Variants in FCHSD2 observed in about 807,000 individuals in gnomAD.
FCHSD2 encodes the protein F-BAR and double SH3 domains protein 2.
A neutral mutation model predicts 108.1 loss-of-function variants in FCHSD2; 38 were observed. The observed-to-expected ratio is 0.35, with a 90% CI of 0.27 to 0.46. The LOEUF (loss-of-function observed/expected upper bound fraction) is 0.46. Among genes scored for constraint, FCHSD2 ranks in the 20% least tolerant of loss-of-function variants. The pLI, the probability that FCHSD2 is intolerant of heterozygous loss-of-function variation, is 1.00. For synonymous variants in FCHSD2, 279 were observed against 314.7 expected, an observed-to-expected ratio of 0.89 and a Z score of 1.20; for missense variants, 751 against 897.8, an observed-to-expected ratio of 0.84 and a Z score of 2.09.
intron 2 of FCHSD2, among the ~76,000 whole-genome samples, chr11:73,111,179 A>G (rs561684116): frequency 6.6e-6 from 1 of 152,268 alleles, no homozygotes; most frequent in African/African-American, 2.4e-5. Flanking sequence ...TGTAACTACC[A>G]GGTCCATTCG....
chr11:73,085,377 T>C (rs1221106721), intron 2 of FCHSD2, among the ~76,000 whole-genome samples: 2 of 152,208 alleles, frequency 1.3e-5, no homozygotes, highest in African/African-American at 4.8e-5. Flanking sequence ...GTAACCATTT[T>C]GGAACTAGGA....
At chr11:72,862,643 G>A (rs1854625482) in intron 13 of FCHSD2, among the ~76,000 whole-genome samples, 1 of 152,168 alleles carries the variant, frequency 6.6e-6, no homozygotes, top group Non-Finnish European at 1.5e-5. Context: ...TTGTTAACAT[G>A]GCAATGTTAT....
At chr11:72,879,194 C>T (rs1326680144) in intron 12 of FCHSD2, among the ~76,000 whole-genome samples, 1 of 152,140 alleles carries the variant, frequency 6.6e-6, no homozygotes, top group East Asian at 1.9e-4. Flanking sequence ...TGTATACCCA[C>T]GGCATTAGTA....
At chr11:72,964,617 T>TCAG (rs1856870827) in intron 8 of FCHSD2, among the ~76,000 whole-genome samples, 1 of 152,118 alleles carries the variant, frequency 6.6e-6, no homozygotes, top group South Asian at 2.1e-4. Context: ...TCTATCATCA[T>TCAG]CATCAGCAGC....
intron 10 of FCHSD2, among the ~76,000 whole-genome samples, chr11:72,896,764 T>TAAAAAAA (rs58159831): frequency 1.0e-4 from 7 of 68,410 alleles, no homozygotes; most frequent in Admixed American, 1.8e-4. Flanking sequence ...GGGAAAATAC[T>TAAAAAAA]AAAAAAAAAA....
chr11:72,884,600 A>G (rs943842411), intron 12 of FCHSD2, among the ~76,000 whole-genome samples: 1 of 148,124 alleles, frequency 6.8e-6, no homozygotes, highest in South Asian at 2.1e-4. Context: ...TATATATATA[A>G]AAGATCATAT....
chr11:73,101,783 A>C (rs1860232418), intron 2 of FCHSD2, among the ~76,000 whole-genome samples: 3 of 152,130 alleles, frequency 2.0e-5, no homozygotes, highest in Admixed American at 1.3e-4. Context: ...AAATAAAAAC[A>C]CTGATACCTA....
At chr11:73,098,578 T>C (rs576702377) in intron 2 of FCHSD2, among the ~76,000 whole-genome samples, 1 of 152,250 alleles carries the variant, frequency 6.6e-6, no homozygotes, top group South Asian at 2.1e-4. Flanking sequence ...ACAGTATGGT[T>C]AGTTGGAATA....
intron 8 of FCHSD2, among the ~76,000 whole-genome samples, chr11:72,948,696 C>T (rs1277594707): frequency 6.8e-6 from 1 of 146,892 alleles, no homozygotes; most frequent in Non-Finnish European, 1.5e-5. Context: ...GAGGCAGTCT[C>T]GCTCTGTCGC....
intron 11 of FCHSD2, among the ~76,000 whole-genome samples, chr11:72,888,697 T>G (rs1029664227): frequency 1.1e-4 from 16 of 151,912 alleles, no homozygotes; most frequent in Non-Finnish European, 2.1e-4. Flanking sequence ...TACCTCAATG[T>G]AACCTCCACC....
At chr11:73,115,765 T>C (rs748926730) in intron 2 of FCHSD2, among the ~76,000 whole-genome samples, 15 of 152,226 alleles carry the variant, frequency 9.9e-5, no homozygotes, top group Non-Finnish European at 1.0e-4. Flanking sequence ...GCAAAATTTC[T>C]TCTTCTTCCA....
chr11:73,086,577 C>T (rs1004596895), intron 2 of FCHSD2, among the ~76,000 whole-genome samples: 1 of 151,926 alleles, frequency 6.6e-6, no homozygotes, highest in African/African-American at 2.4e-5. Flanking sequence ...AAAAATAACA[C>T]AGAAAATCAA....
chr11:73,015,756 T>C lies in FCHSD2; in HGVS notation c.242+53A>G. On this transcript the variant is annotated intron_variant, in intron 4 of 19. Coordinates refer to ENST00000409418, the MANE Select transcript of FCHSD2 (RefSeq NM_014824.3). ...AGTGTTACATTATCTATATGTAACA[T>C]AGCTTTAAGTAAAACCGTTTCTAAA... 18 of 1,102,652 alleles carry C rather than the reference T, an allele frequency of 1.6e-5. 1 individual carries two copies. In the South Asian group the frequency reaches 2.2e-4, roughly 14 times the overall value. 68.3% of individuals were successfully genotyped at this position (1,102,652 alleles called of 1,614,324 possible). A position where few individuals can be genotyped will look rare whatever the true frequency, so the allele number is the denominator to read the frequency against.
At chr11:73,096,987 A>ATTTTTTT (rs60223064) in intron 2 of FCHSD2, among the ~76,000 whole-genome samples, 300 of 27,048 alleles carry the variant, frequency 0.011, 113 homozygotes, top group African/African-American at 0.04. Context: ...TCATTGATGG[A>ATTTTTTT]TTTTTTTTTT....
intron 2 of FCHSD2, among the ~76,000 whole-genome samples, chr11:73,096,987 A>ATGTTTTTTTTTTT (rs1860096435): frequency 3.7e-5 from 1 of 27,020 alleles, no homozygotes; most frequent in Non-Finnish European, 5.6e-5. Context: ...TCATTGATGG[A>ATGTTTTTTTTTTT]TTTTTTTTTT....
intron 8 of FCHSD2, 137 bp from the exon 9 acceptor site, chr11:72,922,087 T>C: frequency 1.7e-6 from 1 of 599,324 alleles, no homozygotes; most frequent in Non-Finnish European, 2.9e-6. Flanking sequence ...ATACAGATTG[T>C]AAGTAAATAT....
intron 8 of FCHSD2, among the ~76,000 whole-genome samples, chr11:72,974,232 C>T (rs1297769739): frequency 1.3e-5 from 2 of 152,102 alleles, no homozygotes; most frequent in African/African-American, 4.8e-5. Flanking sequence ...AGGGCCTTCA[C>T]GCTGTATCAT....
intron 2 of FCHSD2, among the ~76,000 whole-genome samples, chr11:73,120,295 G>A (rs1036860803): frequency 1.1e-4 from 16 of 152,136 alleles, no homozygotes; most frequent in African/African-American, 3.9e-4. Context: ...TGTAGCATAT[G>A]GTCTTTATGT....
intron 10 of FCHSD2, among the ~76,000 whole-genome samples, chr11:72,899,807 C>T (rs1855491456): frequency 6.8e-6 from 1 of 147,594 alleles, no homozygotes; most frequent in Non-Finnish European, 1.5e-5. Context: ...AAATCATAGG[C>T]ATTTATCTTT....
Sources: allele counts gnomAD v4.1 joint callset (sites outside exome capture counted in the v4.1 genomes callset), GRCh38; gene constraint gnomAD v4.1.1; transcripts MANE v1.5; gene names NCBI Gene and HGNC (gene_info 2026-07-23, HGNC 2026-07-21).